The following NF1 variants were observed in gnomAD, a reference collection of about 807,000 sequenced individuals.
NF1 encodes the protein neurofibromin.
A neutral mutation model predicts 325.7 loss-of-function variants in NF1; 122 were observed. The observed-to-expected ratio is 0.37, with a 90% CI of 0.32 to 0.44. The LOEUF is 0.44. NF1 is among the 20% of genes least tolerant of loss of function. The pLI is 1.00. For missense variants in NF1, 2,140 were observed against 3,415.4 expected (o/e 0.63, Z 9.31); for synonymous variants, 1,091 against 1,186.0 (o/e 0.92, Z 1.65).
At chr17:31,121,534 G>A (rs1914440688) in intron 1 of NF1, among the ~76,000 whole-genome samples, 1 of 151,440 alleles carries the variant, frequency 6.6e-6, no homozygotes, top group Admixed American at 6.6e-5. Flanking sequence ...CCGAGTAGCT[G>A]GGACTATAGG....
chr17:31,330,748 C>T (rs2069461022), intron 39 of NF1: 1 of 425,280 alleles, frequency 2.4e-6, no homozygotes, highest in South Asian at 4.2e-5. Context: ...CTTTACACAC[C>T]TCTGGACCAC....
chr17:31,262,326 A>G (rs774397155), intron 35 of NF1, among the ~76,000 whole-genome samples: 1 of 152,224 alleles, frequency 6.6e-6, no homozygotes, highest in Non-Finnish European at 1.5e-5. Flanking sequence ...AAAATATAGT[A>G]TACTTCAGTA....
intron 32 of NF1, 40 bp from the exon 33 acceptor site, chr17:31,258,992 T>G: frequency 1.5e-6 from 2 of 1,350,586 alleles, no homozygotes; most frequent in Non-Finnish European, 2.1e-6. Flanking sequence ...CTTCATACAA[T>G]AAATAATCTG....
intron 36 of NF1, among the ~76,000 whole-genome samples, chr17:31,269,988 T>C (rs574885018): frequency 1.5e-4 from 23 of 152,158 alleles, no homozygotes; most frequent in African/African-American, 5.5e-4. Context: ...CAAAGGAAAA[T>C]TGAATTGCTG....
chr17:31,257,462 G>A (rs2067602431), intron 31 of NF1, among the ~76,000 whole-genome samples: 1 of 152,158 alleles, frequency 6.6e-6, no homozygotes, highest in African/African-American at 2.4e-5. Flanking sequence ...AAAGGGATGG[G>A]AGCTGAACCA....
At chr17:31,305,369 G>A (rs2068689126) in intron 36 of NF1, 8 of 1,614,182 alleles carry the variant, frequency 5.0e-6, no homozygotes, top group Non-Finnish European at 6.8e-6. Context: ...GCTGGTGTTG[G>A]TTGTCCAGCA....
chr17:31,341,456 G>C (rs1466119324), intron 47 of NF1, among the ~76,000 whole-genome samples: 1 of 152,126 alleles, frequency 6.6e-6, no homozygotes, highest in East Asian at 1.9e-4. Flanking sequence ...CTGGGAGGCA[G>C]AGGTTGCAGT....
intron 8 of NF1, among the ~76,000 whole-genome samples, chr17:31,190,489 G>C (rs919371049): frequency 1.3e-5 from 2 of 152,040 alleles, no homozygotes; most frequent in Admixed American, 6.6e-5. Flanking sequence ...TATTTTAGCT[G>C]TTCCTCAAAA....
At chr17:31,168,509 G>C (rs1312586021) in intron 4 of NF1, among the ~76,000 whole-genome samples, 1 of 152,056 alleles carries the variant, frequency 6.6e-6, no homozygotes, top group Non-Finnish European at 1.5e-5. Context: ...CTGAGCCTCT[G>C]TTAATCAGTA....
At chr17:31,214,197 T>C (rs368941499) in intron 12 of NF1, among the ~76,000 whole-genome samples, 1 of 152,092 alleles carries the variant, frequency 6.6e-6, no homozygotes, top group African/African-American at 2.4e-5. Context: ...CTTTTAGTAT[T>C]GTAATAGATT....
chr17:31,154,725 G>A (rs1917197934), intron 1 of NF1, among the ~76,000 whole-genome samples: 1 of 127,754 alleles, frequency 7.8e-6, no homozygotes, highest in Non-Finnish European at 1.6e-5. Flanking sequence ...ATTTCATTTA[G>A]TATTTCCTTT....
At chr17:31,108,939 A>G (rs1913146893) in intron 1 of NF1, among the ~76,000 whole-genome samples, 1 of 149,958 alleles carries the variant, frequency 6.7e-6, no homozygotes, top group Non-Finnish European at 1.5e-5. Context: ...AATCAAAGAT[A>G]GGAGGTAATA....
At chr17:31,291,692 G>A (rs1335271007) in intron 36 of NF1, among the ~76,000 whole-genome samples, 8 of 152,146 alleles carry the variant, frequency 5.3e-5, no homozygotes, top group African/African-American at 1.9e-4. Context: ...TTGTTTGATA[G>A]CATCATTATG....
rs748159217 is a variant in NF1, at chr17:31,320,430, A to G, written c.4836-5390A>G. On this transcript the variant is annotated intron_variant, in intron 36 of 57. Transcript: ENST00000358273. ...GTTTCCAAACCAACTCCTAAGCAAC[A>G]TGGATGCCACTGCTAGTCAGGCTTT... The G allele has an allele frequency of 8.1e-6, 13 of 1,611,104 alleles. No homozygotes were observed. The South Asian group carries it at 1.1e-4, about 14-fold the overall frequency.
chr17:31,110,126 C>G (rs908005653), intron 1 of NF1, among the ~76,000 whole-genome samples: 1 of 151,966 alleles, frequency 6.6e-6, no homozygotes, highest in South Asian at 2.1e-4. Context: ...GGTTTGTAAA[C>G]CACTGCTGTG....
intron 1 of NF1, among the ~76,000 whole-genome samples, chr17:31,125,402 A>G (rs1483658400): frequency 6.6e-6 from 1 of 151,972 alleles, no homozygotes; most frequent in Non-Finnish European, 1.5e-5. Context: ...GCTTACGAAC[A>G]TTGTTATTCA....
Position 31,099,109 on chromosome 17 carries a change from A to G in NF1, c.60+3740A>G, listed in dbSNP as rs142942872. ...CTTAACGCCCCCAGGGAGCATGTGC[A>G]TGTCTAAAGATGGCAACTCTGTTTA... On this transcript the variant is annotated intron_variant, in intron 1 of 57. Coordinates refer to ENST00000358273, the MANE Select transcript of NF1 (RefSeq NM_001042492.3). Among the ~76,000 whole-genome samples the G allele has an allele frequency of 6.8e-3, 1,029 of 152,248 alleles. 17 individuals carry two copies. The highest frequency in any genetic ancestry group is 0.023 in the African/African-American group (963 of 41,542).
chr17:31,164,570 C>T (rs371020002), intron 4 of NF1, among the ~76,000 whole-genome samples: 4 of 152,170 alleles, frequency 2.6e-5, no homozygotes, highest in East Asian at 3.8e-4. Context: ...ATCTTTGGCT[C>T]GTCAGTGTTG....
intron 39 of NF1, chr17:31,331,202 G>A (rs933229815): frequency 1.3e-5 from 2 of 151,826 alleles, no homozygotes; most frequent in Non-Finnish European, 2.9e-5. Flanking sequence ...AAGACTCTTT[G>A]TCAGGTAAGA....
Sources: allele counts gnomAD v4.1 joint callset (sites outside exome capture counted in the v4.1 genomes callset), GRCh38; gene constraint gnomAD v4.1.1; transcripts MANE v1.5; gene names NCBI Gene and HGNC (gene_info 2026-07-23, HGNC 2026-07-21).